The following GLIS3 variants were observed in gnomAD, a reference collection of about 807,000 sequenced individuals.
GLIS3 encodes GLIS family zinc finger 3, also known as zinc finger protein GLIS3.
GLIS3 carries 53 observed loss-of-function variants against 78.6 expected under a neutral mutation model. The ratio of observed to expected loss-of-function variants is 0.67; its 90% CI spans 0.54 to 0.85. The LOEUF is 0.85. Ranked by LOEUF, GLIS3 falls within the 40% of genes least tolerant of loss-of-function variation. The pLI is 0.00. For synonymous variants in GLIS3, 684 were observed against 509.9 expected, an observed-to-expected ratio of 1.34 and a Z score of -4.60; for missense variants, 1,703 against 1,231.1, an observed-to-expected ratio of 1.38 and a Z score of -5.74.
chr9:3,917,992 G>C (rs960338936), intron 6 of GLIS3, among the ~76,000 whole-genome samples: 1 of 152,194 alleles, frequency 6.6e-6, no homozygotes, highest in Non-Finnish European at 1.5e-5. Context: ...AATAATTTCA[G>C]GTGGGGGTGG....
At chr9:4,133,416 T>A (rs543479846) in intron 2 of GLIS3, among the ~76,000 whole-genome samples, 2 of 152,068 alleles carry the variant, frequency 1.3e-5, no homozygotes, top group Non-Finnish European at 2.9e-5. Context: ...CCAACTAGGG[T>A]TGGGATATCA....
At chr9:4,297,480 C>G (rs1167822223) in intron 1 of GLIS3, among the ~76,000 whole-genome samples, 4 of 152,202 alleles carry the variant, frequency 2.6e-5, no homozygotes, top group Non-Finnish European at 5.9e-5. Context: ...CTGGGGGGAG[C>G]TGCAGAACTT....
At chr9:3,864,370 G>C (rs895746200) in intron 8 of GLIS3, among the ~76,000 whole-genome samples, 1 of 152,184 alleles carries the variant, frequency 6.6e-6, no homozygotes, top group Admixed American at 6.6e-5. Context: ...CAAAAAATCA[G>C]TGTTATTTTT....
At chr9:3,962,215 G>C (rs941758718) in intron 4 of GLIS3, among the ~76,000 whole-genome samples, 2 of 151,072 alleles carry the variant, frequency 1.3e-5, no homozygotes, top group African/African-American at 2.4e-5. Flanking sequence ...GTGAGGCCTT[G>C]TTTCAAAAAA....
chr9:4,036,925 G>C (rs1304910899), intron 4 of GLIS3, among the ~76,000 whole-genome samples: 1 of 152,156 alleles, frequency 6.6e-6, no homozygotes, highest in East Asian at 1.9e-4. Flanking sequence ...AAAAGGGGCA[G>C]ACCGCAGTGG....
At chr9:4,322,753 G>C (rs1403320984) in intron 2 of GLIS3, among the ~76,000 whole-genome samples, 3 of 152,038 alleles carry the variant, frequency 2.0e-5, no homozygotes, top group Non-Finnish European at 2.9e-5. Context: ...CTTTTTGATG[G>C]GGTTGTTTGA....
At chr9:4,325,685 A>G (rs1384422389) in intron 2 of GLIS3, among the ~76,000 whole-genome samples, 1 of 151,812 alleles carries the variant, frequency 6.6e-6, no homozygotes, top group Non-Finnish European at 1.5e-5. Flanking sequence ...GCCAAAATCA[A>G]CTCTCTTTTT....
intron 2 of GLIS3, among the ~76,000 whole-genome samples, chr9:4,167,225 G>C (rs1300965680): frequency 1.3e-5 from 2 of 151,716 alleles, no homozygotes; most frequent in Non-Finnish European, 3.0e-5. Flanking sequence ...GTCCAGTACA[G>C]ATTCCATAGA....
At chr9:4,285,018 ACT>A (rs1164192696) in intron 2 of GLIS3, among the ~76,000 whole-genome samples, 1 of 152,122 alleles carries the variant, frequency 6.6e-6, no homozygotes, top group African/African-American at 2.4e-5. Flanking sequence ...AAATACACAG[ACT>A]CTAAAACAAC....
chr9:4,108,901 C>A (rs1194461552), intron 4 of GLIS3, among the ~76,000 whole-genome samples: 1 of 152,114 alleles, frequency 6.6e-6, no homozygotes, highest in Admixed American at 6.5e-5. Context: ...GACTCTACAA[C>A]CTTGGGTGGC....
At chr9:4,363,185 G>A in the GLIS3 span, among the ~76,000 whole-genome samples, 2 of 152,176 alleles carry the variant, frequency 1.3e-5, no homozygotes, top group Non-Finnish European at 2.9e-5. Flanking sequence ...CACTTTGGGA[G>A]GCCCAGGTGG....
At chr9:4,108,544 G>A (rs1046042684) in intron 4 of GLIS3, among the ~76,000 whole-genome samples, 1 of 152,038 alleles carries the variant, frequency 6.6e-6, no homozygotes, top group African/African-American at 2.4e-5. Context: ...CCATTCTCTT[G>A]GCTAATAAAT....
At chr9:4,142,654 T>A (rs1833899019) in intron 2 of GLIS3, among the ~76,000 whole-genome samples, 2 of 152,290 alleles carry the variant, frequency 1.3e-5, no homozygotes, top group South Asian at 2.1e-4. Context: ...AATAAAATAT[T>A]ATAATAAATC....
At chr9:4,205,247 ACC>A (rs1819767432) in intron 2 of GLIS3, among the ~76,000 whole-genome samples, 1 of 149,422 alleles carries the variant, frequency 6.7e-6, no homozygotes, top group African/African-American at 2.5e-5. Context: ...GCTGCTCAAA[ACC>A]CTCTCTCTCT....
the GLIS3 span, among the ~76,000 whole-genome samples, chr9:4,402,856 C>T: frequency 6.6e-6 from 1 of 151,892 alleles, no homozygotes; most frequent in Non-Finnish European, 1.5e-5. Context: ...GAGTTATTGG[C>T]CTTAAAGAAG....
At chr9:4,330,932 C>T (rs1377193659) in intron 2 of GLIS3, among the ~76,000 whole-genome samples, 1 of 152,202 alleles carries the variant, frequency 6.6e-6, no homozygotes, top group African/African-American at 2.4e-5. Context: ...TGAAGGATCA[C>T]ATTAGCTGTG....
chr9:4,410,433 G>C, the GLIS3 span, among the ~76,000 whole-genome samples: 1 of 152,096 alleles, frequency 6.6e-6, no homozygotes, highest in Admixed American at 6.5e-5. Flanking sequence ...AATAAATTAT[G>C]AAAGTAAAAT....
intron 4 of GLIS3, among the ~76,000 whole-genome samples, chr9:4,054,704 G>A (rs1485566525): frequency 6.6e-6 from 1 of 152,120 alleles, no homozygotes; most frequent in Non-Finnish European, 1.5e-5. Flanking sequence ...GCACATTGCT[G>A]TTGGTCAAAC....
chr9:4,234,312 T>G (rs753040880), intron 2 of GLIS3, among the ~76,000 whole-genome samples: 15 of 152,216 alleles, frequency 9.9e-5, no homozygotes, highest in Non-Finnish European at 2.1e-4. Context: ...TATGTGCGAC[T>G]CCTCCTTTCA....
Sources: allele counts gnomAD v4.1 joint callset (sites outside exome capture counted in the v4.1 genomes callset), GRCh38; gene constraint gnomAD v4.1.1; transcripts MANE v1.5; gene names NCBI Gene and HGNC (gene_info 2026-07-23, HGNC 2026-07-21).